RBPJ: variants seen among roughly 807,000 people sequenced by gnomAD.
RBPJ encodes recombining binding protein suppressor of hairless.
RBPJ carries 9 observed loss-of-function variants against 67.8 expected under a neutral mutation model. The observed-to-expected ratio is 0.13, with a 90% CI of 0.08 to 0.23. The LOEUF (loss-of-function observed/expected upper bound fraction) is 0.23. Among genes scored for constraint, RBPJ ranks in the 10% least tolerant of loss-of-function variants. RBPJ has a pLI of 1.00. For synonymous variants in RBPJ, 198 were observed against 203.3 expected (o/e 0.97, Z 0.22); for missense variants, 305 against 595.6 (o/e 0.51, Z 5.08).
chr4:26,121,025 G>A, the RBPJ span, among the ~76,000 whole-genome samples: 1 of 151,640 alleles, frequency 6.6e-6, no homozygotes. Context: ...AGGGGTAGGG[G>A]GAGAAGCAGA....
At chr4:26,226,718 C>T (rs1331308134) in intron 1 of RBPJ, among the ~76,000 whole-genome samples, 1 of 152,126 alleles carries the variant, frequency 6.6e-6, no homozygotes, top group Non-Finnish European at 1.5e-5. Context: ...GTGGTTAACT[C>T]ATTTATCTAG....
chr4:26,360,637 A>G (rs978909895), intron 1 of RBPJ, among the ~76,000 whole-genome samples: 4 of 140,714 alleles, frequency 2.8e-5, no homozygotes, highest in Non-Finnish European at 6.0e-5. Flanking sequence ...TTTGTCACCC[A>G]GGCTGGAGTG....
At chr4:26,387,680 T>C (rs1731058311) in intron 2 of RBPJ, among the ~76,000 whole-genome samples, 1 of 152,170 alleles carries the variant, frequency 6.6e-6, no homozygotes, top group Non-Finnish European at 1.5e-5. Context: ...TTCCTTTCAG[T>C]CTTCAGCTGC....
chr4:26,214,971 G>GAA, intron 1 of RBPJ, among the ~76,000 whole-genome samples: 1 of 10,176 alleles, frequency 9.8e-5, no homozygotes, highest in Non-Finnish European at 1.5e-4. Context: ...AGGGAGGGAG[G>GAA]GAGGGAAGGA....
At chr4:26,376,405 T>C (rs1224769951) in intron 1 of RBPJ, among the ~76,000 whole-genome samples, 1 of 152,254 alleles carries the variant, frequency 6.6e-6, no homozygotes, top group Admixed American at 6.5e-5. Context: ...TTGGCTTATT[T>C]CGCTTAGCAT....
At chr4:26,292,524 G>C (rs1046292804) in intron 1 of RBPJ, among the ~76,000 whole-genome samples, 1 of 150,276 alleles carries the variant, frequency 6.7e-6, no homozygotes, top group Admixed American at 6.6e-5. Flanking sequence ...GGGTTCAAGC[G>C]ATTCTCCTGT....
upstream of RBPJ, chr4:26,321,000 G>T: frequency 4.3e-6 from 7 of 1,613,788 alleles, no homozygotes; most frequent in Non-Finnish European, 5.9e-6. Flanking sequence ...TCTCGCGAGG[G>T]TTGGAGTTTT....
At chr4:26,318,649 T>C (rs1224709314), upstream of RBPJ, among the ~76,000 whole-genome samples, 2 of 152,136 alleles carry the variant, frequency 1.3e-5, no homozygotes, top group African/African-American at 4.8e-5. Flanking sequence ...GTTTATTTAT[T>C]TATTTATTTA....
At chr4:26,238,870 G>C (rs958417461) in intron 1 of RBPJ, among the ~76,000 whole-genome samples, 1 of 152,110 alleles carries the variant, frequency 6.6e-6, no homozygotes, top group East Asian at 1.9e-4. Flanking sequence ...GAGTGGCGGC[G>C]GCTGTAAGAC....
At chr4:26,310,925 G>T (rs971614984) in intron 1 of RBPJ, among the ~76,000 whole-genome samples, 2 of 152,044 alleles carry the variant, frequency 1.3e-5, no homozygotes, top group African/African-American at 2.4e-5. Flanking sequence ...CCGCCTCAGC[G>T]TCCCCAAGTG....
At position 26,176,891 on chromosome 4, in the gene RBPJ, A is replaced by C. The variant is rs1421528367; in HGVS notation, c.-167+13277A>C. Among the ~76,000 whole-genome samples the C allele has an allele frequency of 2.0e-5, 3 of 152,240 alleles. No homozygotes were observed. In the East Asian group the frequency reaches 5.8e-4, roughly 29 times the overall value. ...GCCTTGCCAGACCTTGAAGATGTCT[A>C]TCTGCACTTCAGTCAACATTCTTTT... On this transcript the variant is annotated intron_variant, in intron 1 of 4. Coordinates refer to the RBPJ transcript ENST00000512351.
chr4:26,170,802 G>A (rs182957759), intron 1 of RBPJ, among the ~76,000 whole-genome samples: 214 of 152,304 alleles, frequency 1.4e-3, no homozygotes, highest in Admixed American at 3.7e-3. Flanking sequence ...AAACAGGCTT[G>A]GGTTTGAATT....
At chr4:26,319,955 C>T (rs1577425940), upstream of RBPJ, 15 of 1,399,346 alleles carry the variant, frequency 1.1e-5, no homozygotes, top group East Asian at 3.7e-4. Context: ...GCCAGGTTTG[C>T]CCGGGGGCTT....
At chr4:26,323,564 ATATTGCTGATGGATCTGTGAG>A (rs1209313402) in intron 1 of RBPJ, among the ~76,000 whole-genome samples, 1 of 152,196 alleles carries the variant, frequency 6.6e-6, no homozygotes, top group African/African-American at 2.4e-5. Flanking sequence ...TTATCCATGC[ATATTGCTGATGGATCTGTGAG>A]TATATTTTCA....
At chr4:26,109,623 CCTCTCTCTCTCTCTCTCTGT>C in the RBPJ span, among the ~76,000 whole-genome samples, 3 of 20,794 alleles carry the variant, frequency 1.4e-4, no homozygotes, top group Non-Finnish European at 2.5e-4. Flanking sequence ...TGTCCACCTT[CCTCTCTCTCTCTCTCTCTGT>C]CTCTCTCTCT....
upstream of RBPJ, among the ~76,000 whole-genome samples, chr4:26,161,689 G>C (rs7667399): frequency 0.84 from 127,463 of 152,184 alleles, 53,966 homozygotes; most frequent in Non-Finnish European, 0.9. Flanking sequence ...CAGATACAAA[G>C]GCAACAGCAC....
intron 1 of RBPJ, among the ~76,000 whole-genome samples, chr4:26,172,999 A>C (rs1415423122): frequency 6.6e-6 from 1 of 152,184 alleles, no homozygotes; most frequent in African/African-American, 2.4e-5. Context: ...TAACTGTCAG[A>C]TTGTTTTCCT....
At chr4:26,187,978 G>T (rs1484979165) in intron 1 of RBPJ, among the ~76,000 whole-genome samples, 1 of 152,200 alleles carries the variant, frequency 6.6e-6, no homozygotes, top group Non-Finnish European at 1.5e-5. Context: ...AGTGAGCCAA[G>T]ATCATGCCAC....
chr4:26,355,493 A>T (rs935545338), intron 1 of RBPJ, among the ~76,000 whole-genome samples: 12 of 151,798 alleles, frequency 7.9e-5, no homozygotes, highest in Non-Finnish European at 1.6e-4. Flanking sequence ...ACCAAAAAAA[A>T]AAAAAAAAAA....
Sources: allele counts gnomAD v4.1 joint callset (sites outside exome capture counted in the v4.1 genomes callset), GRCh38; gene constraint gnomAD v4.1.1; transcripts MANE v1.5; gene names NCBI Gene and HGNC (gene_info 2026-07-23, HGNC 2026-07-21).